LAMA2: variants seen among roughly 807,000 people sequenced by gnomAD.
LAMA2 encodes laminin subunit alpha-2.
A neutral mutation model predicts 364.8 loss-of-function variants in LAMA2; 269 were observed. The observed-to-expected ratio is 0.74, with a 90% confidence interval of 0.67 to 0.82. The LOEUF is 0.82. Ranked by LOEUF, LAMA2 falls within the 40% of genes least tolerant of loss-of-function variation. LAMA2 has a pLI of 0.00. For synonymous variants in LAMA2, 1,379 were observed against 1,370.6 expected, an observed-to-expected ratio of 1.01 and a Z score of -0.14; for missense variants, 3,807 against 3,873.2, an observed-to-expected ratio of 0.98 and a Z score of 0.45.
chr6:129,240,292 C>T (rs186838093), intron 12 of LAMA2, among the ~76,000 whole-genome samples: 38 of 152,282 alleles, frequency 2.5e-4, no homozygotes, highest in Non-Finnish European at 4.6e-4. Flanking sequence ...ATGTTAATCT[C>T]CTTTGGCAAC....
chr6:129,310,347 A>G (rs1774141439), intron 22 of LAMA2, among the ~76,000 whole-genome samples: 1 of 152,222 alleles, frequency 6.6e-6, no homozygotes, highest in Non-Finnish European at 1.5e-5. Context: ...ACTCCTGGTA[A>G]TGGTGGATAT....
intron 1 of LAMA2, among the ~76,000 whole-genome samples, chr6:128,955,187 G>A (rs989533128): frequency 1.3e-5 from 2 of 151,766 alleles, no homozygotes; most frequent in African/African-American, 2.4e-5. Flanking sequence ...AAGATCTGAG[G>A]GATAATCAAA....
rs182348087 is a variant in LAMA2, at chr6:129,238,277, G to A, written c.1783-11835G>A. Among the ~76,000 whole-genome samples, 352 of 152,182 alleles carry A rather than the reference G, an allele frequency of 2.3e-3. 2 individuals carry two copies. Among genetic ancestry groups the A allele is most frequent in the African/African-American group, 7.9e-3 (327 of 41,492 alleles). On this transcript the variant is annotated intron_variant, in intron 12 of 64. Coordinates refer to ENST00000421865, the MANE Select transcript of LAMA2 (RefSeq NM_000426.4). ...ACTTACTGAATCCCAAGAATAATTAGGAGAGGAAAAGAAATAATGTTTAAA... is the reference window on the plus strand; with the variant it reads ...ACTTACTGAATCCCAAGAATAATTAAGAGAGGAAAAGAAATAATGTTTAAA...
At chr6:129,360,416 A>G (rs1052971157) in intron 32 of LAMA2, among the ~76,000 whole-genome samples, 16 of 152,214 alleles carry the variant, frequency 1.1e-4, no homozygotes, top group Non-Finnish European at 2.4e-4. Flanking sequence ...TCAGAATAAA[A>G]TAGCAAACCA....
intron 3 of LAMA2, among the ~76,000 whole-genome samples, chr6:129,081,798 A>C (rs1774073413): frequency 1.3e-5 from 2 of 152,194 alleles, no homozygotes; most frequent in Admixed American, 1.3e-4. Context: ...ACTTATGAGC[A>C]TTAAATGAAT....
At chr6:129,204,209 A>G (rs1782475506) in intron 12 of LAMA2, among the ~76,000 whole-genome samples, 1 of 152,246 alleles carries the variant, frequency 6.6e-6, no homozygotes, top group African/African-American at 2.4e-5. Flanking sequence ...TTTGTGAAAT[A>G]CCCGCAGAGT....
At chr6:128,915,386 C>A (rs968599433) in intron 1 of LAMA2, among the ~76,000 whole-genome samples, 2 of 152,044 alleles carry the variant, frequency 1.3e-5, no homozygotes, top group African/African-American at 4.8e-5. Flanking sequence ...TGTGGGAGAA[C>A]AAGGTGAGAG....
chr6:128,884,679 A>G (rs1776048892), intron 1 of LAMA2, among the ~76,000 whole-genome samples: 2 of 152,198 alleles, frequency 1.3e-5, no homozygotes, highest in Admixed American at 6.5e-5. Context: ...TGGGGCCAAT[A>G]TGACTTAATT....
intron 62 of LAMA2, among the ~76,000 whole-genome samples, chr6:129,511,378 C>G (rs760424562): frequency 3.3e-5 from 5 of 152,048 alleles, no homozygotes; most frequent in African/African-American, 4.8e-5. Flanking sequence ...CTTCTTCTAC[C>G]CTTTACTTTA....
chr6:129,315,516 A>C lies in LAMA2; in HGVS notation c.3596A>C (p.Asp1199Ala). Residue 1199 changes from aspartate to alanine, a missense_variant, in exon 25 of 65, where the codon GAT becomes GCT. Transcript: ENST00000421865. ...GAGCAGACCATTCTACCCCTGGTAG[A>C]TGAGGCTCTGCAGCACACGACCACC... The part of the protein sequence containing the change: ...KAEQTILPLV[D>A]EALQHTTTKG... The C allele has an allele frequency of 6.2e-7, 1 of 1,614,212 alleles. No individual in the cohort carries two copies. Among genetic ancestry groups the C allele is most frequent in the Non-Finnish European group, 8.5e-7 (1 of 1,180,024 alleles).
Position 128,962,158 on chromosome 6 carries a change from A to G in LAMA2, c.112+78801A>G, listed in dbSNP as rs867241574. Among the ~76,000 whole-genome samples the G allele has an allele frequency of 2.8e-3, 313 of 112,734 alleles. 15 individuals carry two copies. Among genetic ancestry groups the G allele is most frequent in the African/African-American group, 0.012 (290 of 24,546 alleles). The allele number at this position is 112,734 out of a possible 152,430, so 74.0% of individuals were successfully genotyped here. On this transcript the variant is annotated intron_variant, in intron 1 of 64. Transcript: ENST00000421865. ...CTGGACCATATATATATATATATAT[A>G]TATATATATATATATATATATATAT...
chr6:129,079,069 T>C (rs1740251874), intron 3 of LAMA2, among the ~76,000 whole-genome samples: 1 of 152,180 alleles, frequency 6.6e-6, no homozygotes, highest in Non-Finnish European at 1.5e-5. Context: ...CATTAATCCA[T>C]TGATGAACAC....
chr6:129,431,729 G>A (rs1781606936), intron 41 of LAMA2, among the ~76,000 whole-genome samples: 1 of 152,142 alleles, frequency 6.6e-6, no homozygotes, highest in African/African-American at 2.4e-5. Context: ...ATATGGTGCT[G>A]TCCCACACAG....
At chr6:129,384,993 G>A (rs1285009860) in intron 35 of LAMA2, among the ~76,000 whole-genome samples, 12 of 135,364 alleles carry the variant, frequency 8.9e-5, no homozygotes, top group Admixed American at 7.9e-5. Flanking sequence ...AACACTAAAT[G>A]TTCATTGAGA....
Position 129,514,576 on chromosome 6 carries a change from G to A in LAMA2, c.9192G>A (p.Val3064=). The A allele has an allele frequency of 6.2e-7, 1 of 1,614,032 alleles. No homozygotes were observed. The highest frequency in any genetic ancestry group is 8.5e-7 in the Non-Finnish European group (1 of 1,179,970). Residue 3064 remains valine, a synonymous_variant, in exon 64 of 65, where the codon GTG becomes GTA. Coordinates refer to ENST00000421865, the MANE Select transcript of LAMA2 (RefSeq NM_000426.4). ...CATCAGCTGACACAAATGACCCTGT[G>A]TTTGTTGGAGGCTTCCCAGGTGAGT... is the stretch of plus-strand genomic sequence containing the variant. ...ASTSADTNDP[V]FVGGFPDDLK...
chr6:128,988,068 G>A (rs2083119826), intron 1 of LAMA2, among the ~76,000 whole-genome samples: 1 of 152,094 alleles, frequency 6.6e-6, no homozygotes, highest in South Asian at 2.1e-4. Flanking sequence ...GTTTCACCAT[G>A]TTGGCCAGGC....
Position 129,391,644 on chromosome 6 carries a change from A to T in LAMA2, c.5225A>T (p.Asp1742Val), listed in dbSNP as rs1326860157. 1.9e-6 allele frequency: 3 copies of T among 1,613,322 alleles called. No individual in the cohort carries two copies. The highest frequency in any genetic ancestry group is 2.2e-5 in the East Asian group (1 of 44,866). The change falls in exon 36 of 65, where the codon GAT becomes GTT. Residue 1742 changes from aspartate to valine, a missense_variant. Physicochemically the swap from Asp to Val is radical, Grantham distance 152 (BLOSUM62 -3). Coordinates refer to ENST00000421865, the MANE Select transcript of LAMA2 (RefSeq NM_000426.4). Reference sequence around the variant, plus strand: ...GAGACACAAAAGGAAATTGCTGAAGATGAGTTGGTGTGAGTAGATGAGTTA... The same window carrying T: ...GAGACACAAAAGGAAATTGCTGAAGTTGAGTTGGTGTGAGTAGATGAGTTA... ...NLETQKEIAE[D>V]ELVAAEALLK...
At chr6:129,059,937 G>T (rs765353177) in intron 3 of LAMA2, 41 bp downstream of exon 3, 11 of 1,085,820 alleles carry the variant, frequency 1.0e-5, no homozygotes, top group Non-Finnish European at 1.3e-5. Flanking sequence ...TTTTGAAATT[G>T]CATTTTACAT....
At chr6:128,903,580 C>A (rs962930490) in intron 1 of LAMA2, among the ~76,000 whole-genome samples, 1 of 152,098 alleles carries the variant, frequency 6.6e-6, no homozygotes, top group African/African-American at 2.4e-5. Flanking sequence ...TATGTTTGTG[C>A]AAATTTTCTC....
Sources: allele counts gnomAD v4.1 joint callset (sites outside exome capture counted in the v4.1 genomes callset), GRCh38; gene constraint gnomAD v4.1.1; transcripts MANE v1.5; gene names NCBI Gene and HGNC (gene_info 2026-07-23, HGNC 2026-07-21).